Variants in ADCY1 observed in about 807,000 individuals in gnomAD.
ADCY1 encodes the protein adenylate cyclase 1, also known as adenylate cyclase type 1.
A neutral mutation model predicts 105.4 loss-of-function variants in ADCY1; 28 were observed. The ratio of observed to expected loss-of-function variants is 0.27; its 90% confidence interval spans 0.20 to 0.36. The LOEUF is 0.36. ADCY1 is among the 10% of genes least tolerant of loss of function. The pLI, the probability that ADCY1 is intolerant of heterozygous loss-of-function variation, is 1.00. For missense variants in ADCY1, 977 were observed against 1,434.2 expected, an observed-to-expected ratio of 0.68 and a Z score of 5.15; for synonymous variants, 655 against 623.8, an observed-to-expected ratio of 1.05 and a Z score of -0.75.
intron 7 of ADCY1, among the ~76,000 whole-genome samples, chr7:45,660,829 G>A (rs1410208115): frequency 2.7e-5 from 4 of 150,398 alleles, no homozygotes; most frequent in African/African-American, 4.9e-5. Context: ...CTCAGGTGAG[G>A]TGCAGGGCTT....
intron 1 of ADCY1, among the ~76,000 whole-genome samples, chr7:45,578,306 G>T (rs1297993106): frequency 6.6e-6 from 1 of 152,192 alleles, no homozygotes; most frequent in East Asian, 1.9e-4. Context: ...CACTGAGGGG[G>T]AGGTATCCAT....
At chr7:45,645,714 C>G (rs1186310943) in intron 4 of ADCY1, among the ~76,000 whole-genome samples, 1 of 152,086 alleles carries the variant, frequency 6.6e-6, no homozygotes, top group African/African-American at 2.4e-5. Context: ...GCCCACAATC[C>G]CTGAGTCCAC....
At chr7:45,617,387 G>A (rs1247621324) in intron 3 of ADCY1, among the ~76,000 whole-genome samples, 2 of 152,196 alleles carry the variant, frequency 1.3e-5, no homozygotes, top group African/African-American at 4.8e-5. Flanking sequence ...TGCAGGCTAG[G>A]CATGGACTGC....
At chr7:45,584,075 G>A (rs891331278) in intron 1 of ADCY1, among the ~76,000 whole-genome samples, 1 of 151,336 alleles carries the variant, frequency 6.6e-6, no homozygotes, top group Non-Finnish European at 1.5e-5. Context: ...AGCTTCCAGA[G>A]TAGGTAGAGC....
At position 45,714,192 on chromosome 7, in the gene ADCY1, C is replaced by T. The variant is rs543208030; in HGVS notation, c.*197C>T. The stretch of plus-strand genomic sequence containing the variant: ...GAGCAGGCACAGCACAGCAGTGACT[C>T]GGTGAGGGGAGGACACCCGACTGTG... On this transcript the variant is annotated 3_prime_UTR_variant, in exon 20 of 20. Transcript: ENST00000297323. 21 of 588,064 alleles carry T rather than the reference C, an allele frequency of 3.6e-5. No homozygotes were observed. In the South Asian group the frequency reaches 3.7e-4, roughly 10 times the overall value. 36.4% of individuals were successfully genotyped at this position (588,064 alleles called of 1,614,324 possible). A position where few individuals can be genotyped will look rare whatever the true frequency, so the allele number is the denominator to read the frequency against.
chr7:45,617,997 AAC>A (rs1793784947), intron 3 of ADCY1, among the ~76,000 whole-genome samples: 1 of 152,244 alleles, frequency 6.6e-6, no homozygotes, highest in Non-Finnish European at 1.5e-5. Flanking sequence ...AAGCTATATT[AAC>A]TAAAACAGCA....
chr7:45,638,703 C>G (rs1006315629), intron 4 of ADCY1, among the ~76,000 whole-genome samples: 2 of 151,524 alleles, frequency 1.3e-5, no homozygotes, highest in Non-Finnish European at 2.9e-5. Context: ...ATGCGTGTCC[C>G]TCAGATGTGC....
rs754051498 is a variant in ADCY1, at chr7:45,703,774, C to G, written c.2718+28C>G. 1 of 1,545,688 alleles carries G rather than the reference C, an allele frequency of 6.5e-7. No individual in the cohort carries two copies. The highest frequency in any genetic ancestry group is 8.8e-7 in the Non-Finnish European group (1 of 1,142,816). Reference sequence around the variant, plus strand: ...GAGGCTGTGCGTCGCCATCCTGACCCCGCCTGGTTGTGGTGGTGCATCCTG... The same window carrying G: ...GAGGCTGTGCGTCGCCATCCTGACCGCGCCTGGTTGTGGTGGTGCATCCTG... On this transcript the variant is annotated intron_variant, in intron 16 of 19. Transcript: ENST00000297323. This position sits in a 1 kb window ranked among gnomAD's most constrained non-coding sequence, Gnocchi z 5.9.
intron 4 of ADCY1, among the ~76,000 whole-genome samples, chr7:45,634,632 T>C (rs980491350): frequency 5.9e-5 from 9 of 152,144 alleles, no homozygotes; most frequent in African/African-American, 1.9e-4. Context: ...TAGTTTGACA[T>C]ATGCTGTTTT....
intron 1 of ADCY1, among the ~76,000 whole-genome samples, chr7:45,585,676 G>T (rs1792703278): frequency 1.3e-5 from 2 of 152,082 alleles, no homozygotes; most frequent in Non-Finnish European, 2.9e-5. Context: ...TTGAACTCCT[G>T]ACCTCAGGTG....
chr7:45,660,932 C>T (rs538147049), intron 7 of ADCY1, among the ~76,000 whole-genome samples: 2 of 141,992 alleles, frequency 1.4e-5, no homozygotes, highest in Admixed American at 1.4e-4. Context: ...GGGTGTAGGG[C>T]TCAGGTCAGG....
intron 4 of ADCY1, among the ~76,000 whole-genome samples, chr7:45,632,700 ACGACAGG>A (rs1221844623): frequency 6.6e-6 from 1 of 151,848 alleles, no homozygotes; most frequent in African/African-American, 2.4e-5. Flanking sequence ...AGTAGCTGGG[ACGACAGG>A]CACATGCCAC....
intron 1 of ADCY1, among the ~76,000 whole-genome samples, chr7:45,577,331 G>A (rs1377993120): frequency 6.6e-6 from 1 of 152,218 alleles, no homozygotes; most frequent in Non-Finnish European, 1.5e-5. Flanking sequence ...AGGTGGTAGT[G>A]ATACTGACAA....
At chr7:45,678,322 CG>C in intron 10 of ADCY1, 59 bp downstream of exon 10, 1 of 1,520,002 alleles carries the variant, frequency 6.6e-7, no homozygotes, top group Non-Finnish European at 9.1e-7. Flanking sequence ...TTCTGGGGTT[CG>C]TGGTTGTGTT....
At chr7:45,613,471 T>C (rs1049690108) in intron 3 of ADCY1, among the ~76,000 whole-genome samples, 2 of 152,282 alleles carry the variant, frequency 1.3e-5, no homozygotes, top group African/African-American at 4.8e-5. Context: ...AGTGGACCAA[T>C]ATACACCTTA....
At chr7:45,579,465 C>T (rs1002901972) in intron 1 of ADCY1, among the ~76,000 whole-genome samples, 1 of 152,022 alleles carries the variant, frequency 6.6e-6, no homozygotes, top group African/African-American at 2.4e-5. Context: ...CTGTGGCTGG[C>T]CCCTACTCCC....
At chr7:45,695,048 C>G (rs990581324) in intron 14 of ADCY1, among the ~76,000 whole-genome samples, 2 of 152,226 alleles carry the variant, frequency 1.3e-5, no homozygotes, top group African/African-American at 4.8e-5. Flanking sequence ...AGCCCTCTAG[C>G]CTTGTCAAAT....
intron 2 of ADCY1, among the ~76,000 whole-genome samples, chr7:45,597,103 C>A (rs1279854132): frequency 6.6e-6 from 1 of 152,144 alleles, no homozygotes; most frequent in Admixed American, 6.5e-5. Flanking sequence ...TTTATGGCCC[C>A]CACTGAATGC....
intron 4 of ADCY1, among the ~76,000 whole-genome samples, chr7:45,624,081 GT>G (rs1488819410): frequency 1.3e-5 from 2 of 152,210 alleles, no homozygotes; most frequent in African/African-American, 2.4e-5. Flanking sequence ...ACAGTGAAGA[GT>G]CTTGAGGGAA....
Sources: allele counts gnomAD v4.1 joint callset (sites outside exome capture counted in the v4.1 genomes callset), GRCh38; gene constraint gnomAD v4.1.1; non-coding constraint Gnocchi (gnomAD v3.1); transcripts MANE v1.5; gene names NCBI Gene and HGNC (gene_info 2026-07-23, HGNC 2026-07-21).